Variants in LSM14A observed in about 807,000 individuals in gnomAD.
LSM14A encodes protein LSM14 homolog A.
LSM14A carries 14 observed loss-of-function variants against 52.4 expected under a neutral mutation model. That is an observed-to-expected ratio of 0.27 (90% CI 0.18 to 0.42). LSM14A has a LOEUF of 0.42. Ranked by LOEUF, LSM14A falls within the 10% of genes least tolerant of loss-of-function variation. The probability of loss-of-function intolerance (pLI) is 1.00; values close to 1 mark genes in which losing one functional copy is unlikely to be tolerated. For synonymous variants in LSM14A, 185 were observed against 200.3 expected, an observed-to-expected ratio of 0.92 and a Z score of 0.64; for missense variants, 417 against 581.8, an observed-to-expected ratio of 0.72 and a Z score of 2.91.
At chr19:34,204,724 GAA>G (rs1362702874) in intron 3 of LSM14A, among the ~76,000 whole-genome samples, 2 of 151,968 alleles carry the variant, frequency 1.3e-5, no homozygotes, top group African/African-American at 4.8e-5. Flanking sequence ...TCTCTAAAAA[GAA>G]AAAATTAAAT....
chr19:34,174,237 C>T (rs915081601), intron 1 of LSM14A, among the ~76,000 whole-genome samples: 3 of 152,234 alleles, frequency 2.0e-5, no homozygotes, highest in Non-Finnish European at 2.9e-5. Flanking sequence ...GCATGAGCCA[C>T]CGCGCCCAGC....
intron 3 of LSM14A, among the ~76,000 whole-genome samples, chr19:34,205,060 A>T (rs369049006): frequency 2.0e-5 from 3 of 152,184 alleles, no homozygotes; most frequent in African/African-American, 7.2e-5. Flanking sequence ...TGAGCTGGGG[A>T]GGCAGAGGTT....
At chr19:34,187,179 G>A (rs987646774) in intron 1 of LSM14A, among the ~76,000 whole-genome samples, 5 of 151,302 alleles carry the variant, frequency 3.3e-5, no homozygotes, top group African/African-American at 1.2e-4. Flanking sequence ...AACCCAGGAA[G>A]CAGAGGTTGC....
At chr19:34,202,241 G>A (rs1042469593) in intron 3 of LSM14A, among the ~76,000 whole-genome samples, 8 of 149,208 alleles carry the variant, frequency 5.4e-5, no homozygotes, top group African/African-American at 1.5e-4. Context: ...GTACAAAGAC[G>A]TTAGCACTTT....
chr19:34,180,420 T>C (rs1297494856), intron 1 of LSM14A, among the ~76,000 whole-genome samples: 1 of 152,214 alleles, frequency 6.6e-6, no homozygotes, highest in African/African-American at 2.4e-5. Context: ...TCTTCATCTT[T>C]TCAATAGGGA....
chr19:34,175,507 C>A (rs1450692714), intron 1 of LSM14A, among the ~76,000 whole-genome samples: 1 of 152,224 alleles, frequency 6.6e-6, no homozygotes, highest in East Asian at 1.9e-4. Flanking sequence ...GCCGGGATTA[C>A]AGGCATGAGC....
intron 1 of LSM14A, 93 bp downstream of exon 1, chr19:34,172,856 T>C: frequency 7.3e-7 from 1 of 1,377,596 alleles, no homozygotes; most frequent in Non-Finnish European, 9.6e-7. Context: ...TTCCCTCCCC[T>C]CCCTCCGTCG....
chr19:34,186,746 A>G (rs1276311773), intron 1 of LSM14A, among the ~76,000 whole-genome samples: 1 of 152,172 alleles, frequency 6.6e-6, no homozygotes, highest in Non-Finnish European at 1.5e-5. Flanking sequence ...CTGATACAGG[A>G]CTGAAGAGTT....
At chr19:34,219,344 G>A (rs754964335) in intron 6 of LSM14A, 47 bp from the exon 7 acceptor site, 6 of 1,359,234 alleles carry the variant, frequency 4.4e-6, no homozygotes. Context: ...TGCTAAACCA[G>A]CTATTACATA....
At chr19:34,186,140 A>T (rs557796962) in intron 1 of LSM14A, among the ~76,000 whole-genome samples, 1 of 152,308 alleles carries the variant, frequency 6.6e-6, no homozygotes, top group African/African-American at 2.4e-5. Context: ...GGGAGTTGCA[A>T]AGATGATCTA....
At chr19:34,214,887 G>A (rs2072460702) in intron 4 of LSM14A, among the ~76,000 whole-genome samples, 1 of 151,510 alleles carries the variant, frequency 6.6e-6, no homozygotes, top group South Asian at 2.1e-4. Flanking sequence ...GAGGGGGAGG[G>A]AGTTGTTTTG....
chr19:34,217,596 A>T (rs1399250780), intron 6 of LSM14A, among the ~76,000 whole-genome samples: 24 of 82,782 alleles, frequency 2.9e-4, no homozygotes, highest in Admixed American at 7.3e-4. Context: ...ATATATATAT[A>T]TTTTTATATC....
At chr19:34,180,665 C>G (rs1435340222) in intron 1 of LSM14A, among the ~76,000 whole-genome samples, 1 of 152,128 alleles carries the variant, frequency 6.6e-6, no homozygotes, top group Non-Finnish European at 1.5e-5. Flanking sequence ...TCTCATTCCC[C>G]TCATAACTTT....
chr19:34,220,994 A>G (rs2073020038), intron 8 of LSM14A, among the ~76,000 whole-genome samples: 1 of 151,814 alleles, frequency 6.6e-6, no homozygotes, highest in Non-Finnish European at 1.5e-5. Flanking sequence ...AATGTCAGTC[A>G]TGTGTTCACA....
chr19:34,192,219 C>G (rs1164297530), intron 1 of LSM14A, among the ~76,000 whole-genome samples: 1 of 151,046 alleles, frequency 6.6e-6, no homozygotes, highest in East Asian at 1.9e-4. Context: ...GCCAAACTAC[C>G]TGTGCCACTG....
Position 34,221,905 on chromosome 19 carries a change from C to T in LSM14A, c.1368+167C>T. On this transcript the variant is annotated intron_variant, in intron 9 of 9. Transcript: ENST00000544216. ...CGTGATTCAGATGTATATATAAAGACATTATACAAAAAAAGACAGTATAGT... is the reference window on the plus strand; with the variant it reads ...CGTGATTCAGATGTATATATAAAGATATTATACAAAAAAAGACAGTATAGT... The T allele has an allele frequency of 2.3e-6, 3 of 1,321,438 alleles. No homozygotes were observed. In the South Asian group the frequency reaches 5.4e-5, roughly 24 times the overall value. The allele number at this position is 1,321,438 out of a possible 1,614,324, so 81.9% of individuals were successfully genotyped here.
chr19:34,221,747 T>G lies in LSM14A; in HGVS notation c.1368+9T>G. ...CGGATTTTGAATATAGGGTAAGTGT[T>G]ACTGTTAATAAATTCTTTGGGGTTG... On this transcript the variant is annotated intron_variant, in intron 9 of 9. Transcript: ENST00000544216. 1 of 1,595,842 alleles carries G rather than the reference T, an allele frequency of 6.3e-7. No individual in the cohort carries two copies. The highest frequency in any genetic ancestry group is 1.7e-5 in the Admixed American group (1 of 58,724).
intron 3 of LSM14A, among the ~76,000 whole-genome samples, chr19:34,207,187 A>G (rs973776340): frequency 2.0e-5 from 3 of 152,174 alleles, no homozygotes; most frequent in Admixed American, 1.3e-4. Flanking sequence ...TGGCACGATC[A>G]GGAACTCACG....
chr19:34,225,673 C>G (rs1393119647), intron 9 of LSM14A, among the ~76,000 whole-genome samples: 1 of 152,126 alleles, frequency 6.6e-6, no homozygotes, highest in Non-Finnish European at 1.5e-5. Flanking sequence ...GATAAGGAAA[C>G]TAAGGACCCC....
Sources: allele counts gnomAD v4.1 joint callset (sites outside exome capture counted in the v4.1 genomes callset), GRCh38; gene constraint gnomAD v4.1.1; transcripts MANE v1.5; gene names NCBI Gene and HGNC (gene_info 2026-07-23, HGNC 2026-07-21).